The following GANAB variants were observed in gnomAD, a reference collection of about 807,000 sequenced individuals.
GANAB encodes glucosidase II alpha subunit, also known as neutral alpha-glucosidase AB.
In GANAB, 35 loss-of-function variants were observed where a neutral mutation model predicts 129.9. The observed-to-expected ratio is 0.27, with a 90% CI of 0.21 to 0.36. GANAB has a LOEUF of 0.36. Among genes scored for constraint, GANAB ranks in the 10% least tolerant of loss-of-function variants. GANAB has a pLI of 1.00. For missense variants in GANAB, 939 were observed against 1,221.0 expected, an observed-to-expected ratio of 0.77 and a Z score of 3.44; for synonymous variants, 482 against 451.8, an observed-to-expected ratio of 1.07 and a Z score of -0.85.
chr11:62,638,890 CTTATTT>C, intron 4 of GANAB, 87 bp downstream of exon 4: 4 of 1,301,724 alleles, frequency 3.1e-6, no homozygotes, highest in Non-Finnish European at 4.4e-6. Context: ...TAACTACTAC[CTTATTT>C]TGGGAAAGAA....
rs1485256444 is a variant in GANAB at position 62,627,310 on chromosome 11, T to A, written c.2224A>T (p.Ile742Leu). The change falls in exon 18 of 24, where the codon ATA becomes TTA. Residue 742 changes from isoleucine to leucine, a missense_variant. Around this residue, in one of 5 missense-constraint regions of GANAB, gnomAD observed 230 missense variants for 259.9 expected, o/e 0.89. Coordinates refer to ENST00000356638, the MANE Select transcript of GANAB (RefSeq NM_198334.3). Reference sequence around the variant, plus strand: ...TCACCAAGCAAGTACTGATCATCTATATTGAAGGTAGTCACATCCTGAGGG... The same window carrying A: ...TCACCAAGCAAGTACTGATCATCTAAATTGAAGGTAGTCACATCCTGAGGG... ...QYPQDVTTFN[I>L]DDQYLLGDAL... 6.3e-7 allele frequency: 1 copy of A among 1,582,706 alleles called. No individual in the cohort carries two copies. Among genetic ancestry groups the A allele is most frequent in the Non-Finnish European group, 8.7e-7 (1 of 1,151,394 alleles).
At chr11:62,644,873 T>G (rs555901826) in intron 1 of GANAB, among the ~76,000 whole-genome samples, 45 of 152,066 alleles carry the variant, frequency 3.0e-4, no homozygotes, top group Non-Finnish European at 5.7e-4. Context: ...CAACCTATAA[T>G]AAGGTAACTA....
intron 4 of GANAB, among the ~76,000 whole-genome samples, chr11:62,636,180 G>A (rs540298286): frequency 4.9e-4 from 75 of 151,854 alleles, no homozygotes; most frequent in Middle Eastern, 3.4e-3. Context: ...CAGTAGAGAC[G>A]GGGTTTCACC....
At chr11:62,643,936 A>G (rs932921804) in intron 1 of GANAB, among the ~76,000 whole-genome samples, 1 of 152,122 alleles carries the variant, frequency 6.6e-6, no homozygotes, top group Non-Finnish European at 1.5e-5. Flanking sequence ...CACCCTGGAT[A>G]CCGCATTTTA....
chr11:62,631,195 A>C lies in GANAB; in HGVS notation c.997-12T>G. The C allele has an allele frequency of 6.5e-7, 1 of 1,543,176 alleles. No homozygotes were observed. The highest frequency in any genetic ancestry group is 8.8e-7 in the Non-Finnish European group (1 of 1,137,312). On this transcript the variant is annotated splice_polypyrimidine_tract_variant and intron_variant, in intron 9 of 23. Transcript: ENST00000356638. ...TTCCCAAACAGGGTCTGTATAGGTG[A>C]CCACAAAGGGGTCAGACACCTCCTG...
intron 1 of GANAB, among the ~76,000 whole-genome samples, chr11:62,645,803 T>C (rs1944452420): frequency 6.6e-6 from 1 of 152,214 alleles, no homozygotes; most frequent in Admixed American, 6.5e-5. Flanking sequence ...GAACTGAGTT[T>C]ATGATCCACG....
At chr11:62,640,529 T>C (rs1319306958) in intron 1 of GANAB, among the ~76,000 whole-genome samples, 4 of 39,560 alleles carry the variant, frequency 1.0e-4, no homozygotes, top group Admixed American at 4.4e-4. Context: ...TGAGACTCCA[T>C]CTCCAAAAAA....
At chr11:62,639,278 G>A in intron 3 of GANAB, 81 bp downstream of exon 3, 72 of 1,264,478 alleles carry the variant, frequency 5.7e-5, no homozygotes, top group Non-Finnish European at 8.1e-5. Context: ...GGGACAAGAT[G>A]TTGGCCACAA....
intron 4 of GANAB, among the ~76,000 whole-genome samples, chr11:62,638,579 GGAGGAAGGAAGGAAGGAAGGA>G (rs1379102164): frequency 1.5e-5 from 2 of 136,826 alleles, no homozygotes; most frequent in Non-Finnish European, 3.1e-5. Context: ...GAAAAGGAAA[GGAGGAAGGAAGGAAGGAAGGA>G]AGGAAGGAAG....
chr11:62,646,296 G>A (rs973975877), intron 1 of GANAB, among the ~76,000 whole-genome samples: 2 of 152,232 alleles, frequency 1.3e-5, no homozygotes, highest in Non-Finnish European at 2.9e-5. Context: ...GGCGGCGGCT[G>A]AGAGCGGCCA....
At chr11:62,627,480 C>G in intron 17 of GANAB, 127 bp from the exon 18 acceptor site, 1 of 637,092 alleles carries the variant, frequency 1.6e-6, no homozygotes, top group South Asian at 1.8e-5. Flanking sequence ...ACCTGTAATC[C>G]CAACACTTTG....
At chr11:62,632,495 C>T in intron 9 of GANAB, 70 bp downstream of exon 9, 1 of 1,203,332 alleles carries the variant, frequency 8.3e-7, no homozygotes, top group Non-Finnish European at 1.2e-6. Flanking sequence ...GCTAATGCCC[C>T]TAGTATACCT....
At chr11:62,645,298 A>C (rs924234495) in intron 1 of GANAB, among the ~76,000 whole-genome samples, 1 of 152,154 alleles carries the variant, frequency 6.6e-6, no homozygotes, top group African/African-American at 2.4e-5. Context: ...GCACTTTGGG[A>C]GGCCGAGGCG....
At chr11:62,636,080 T>A (rs1943927443) in intron 4 of GANAB, among the ~76,000 whole-genome samples, 2 of 152,108 alleles carry the variant, frequency 1.3e-5, no homozygotes, top group African/African-American at 4.8e-5. Context: ...AACCTCTGCC[T>A]CCCAGTTTCA....
At chr11:62,642,137 G>A in intron 1 of GANAB, among the ~76,000 whole-genome samples, 1 of 152,096 alleles carries the variant, frequency 6.6e-6, no homozygotes. Flanking sequence ...GCTTGAACCA[G>A]GAGGTGGAGG....
At position 62,628,824 on chromosome 11, in the gene GANAB, G is replaced by T. The variant is rs370477550; in HGVS notation, c.2125C>A (p.Pro709Thr). 1.9e-6 allele frequency: 3 copies of T among 1,613,758 alleles called. No individual in the cohort carries two copies. In the African/African-American group the frequency reaches 4.0e-5, roughly 22 times the overall value. ...DALGQRYSLL[P>T]FWYTLLYQAH... The stretch of plus-strand genomic sequence containing the variant: ...TGATATAAGAGGGTGTACCAGAAGG[G>T]CAGCAAAGAATATCGCTGGCCCAAG... Residue 709 changes from proline to threonine, a missense_variant, in exon 17 of 24, where the codon CCC becomes ACC. Pro to Thr is a conservative substitution (Grantham distance 38, BLOSUM62 -1). This residue lies in a region of GANAB where 147 missense variants were observed against 282.4 expected (regional missense o/e 0.52). Coordinates refer to ENST00000356638, the MANE Select transcript of GANAB (RefSeq NM_198334.3).
intron 17 of GANAB, among the ~76,000 whole-genome samples, chr11:62,627,698 C>T (rs1016231151): frequency 2.0e-5 from 3 of 151,952 alleles, no homozygotes; most frequent in Admixed American, 2.0e-4. Context: ...CACACCATCG[C>T]ACTCCAGCCT....
At position 62,634,976 on chromosome 11, in the gene GANAB, C is replaced by T. The variant is rs1367139849; in HGVS notation, c.405G>A (p.Glu135=). The T allele has an allele frequency of 6.2e-7, 1 of 1,612,880 alleles. No individual in the cohort carries two copies. Among genetic ancestry groups the T allele is most frequent in the Non-Finnish European group, 8.5e-7 (1 of 1,179,120 alleles). The change falls in exon 5 of 24, where the codon GAG becomes GAA. Residue 135 remains glutamate (E), a synonymous_variant. Coordinates refer to ENST00000356638, the MANE Select transcript of GANAB (RefSeq NM_198334.3). ...CAGCCATGGTTAACTCCACACTGTT[C>T]TCATCACGACCAGAGACAGAAAGCC... ...IARLSVSGRD[E]NSVELTMAEG...
At chr11:62,640,870 G>T (rs1036687548) in intron 1 of GANAB, among the ~76,000 whole-genome samples, 1 of 149,578 alleles carries the variant, frequency 6.7e-6, no homozygotes, top group African/African-American at 2.5e-5. Context: ...GTACACAGAG[G>T]ATCTTTCACC....
Sources: gnomAD v4.1 joint callset for allele counts (sites outside exome capture counted in the v4.1 genomes callset) on GRCh38, gnomAD v4.1.1 for gene constraint, gnomAD v4.1.1 regional missense constraint, MANE v1.5 for transcripts, NCBI Gene and HGNC (gene_info 2026-07-23, HGNC 2026-07-21) for gene names.